PPP5C: variants seen among roughly 807,000 people sequenced by gnomAD.
PPP5C encodes the protein serine/threonine-protein phosphatase 5.
PPP5C carries 21 observed loss-of-function variants against 66.7 expected under a neutral mutation model. That is an observed-to-expected ratio of 0.31 (90% CI 0.22 to 0.45). PPP5C has a LOEUF of 0.45. Ranked by LOEUF, PPP5C falls within the 20% of genes least tolerant of loss-of-function variation. The pLI is 1.00. For missense variants in PPP5C, 464 were observed against 675.9 expected (o/e 0.69, Z 3.48); for synonymous variants, 246 against 257.4 (o/e 0.96, Z 0.43).
At chr19:46,348,127 T>C (rs759633069) in intron 1 of PPP5C, among the ~76,000 whole-genome samples, 1 of 151,668 alleles carries the variant, frequency 6.6e-6, no homozygotes, top group East Asian at 1.9e-4. Flanking sequence ...GAGGGAGAAC[T>C]GGAGAGGAGT....
intron 4 of PPP5C, among the ~76,000 whole-genome samples, chr19:46,379,798 C>T (rs1972759074): frequency 6.6e-6 from 1 of 152,228 alleles, no homozygotes; most frequent in East Asian, 1.9e-4. Context: ...CTCCCTTAGG[C>T]ATCCATTATA....
At chr19:46,379,811 C>T (rs915645782) in intron 4 of PPP5C, among the ~76,000 whole-genome samples, 6 of 152,160 alleles carry the variant, frequency 3.9e-5, no homozygotes, top group African/African-American at 2.4e-5. Flanking sequence ...CCATTATATC[C>T]GCAGTGAATT....
rs199838652 is a variant in PPP5C at position 46,384,866 on chromosome 19, C to T, written c.861C>T (p.Phe287=). 219 of 1,614,136 alleles carry T rather than the reference C, an allele frequency of 1.4e-4. No homozygotes were observed. The highest frequency in any genetic ancestry group is 2.7e-4 in the South Asian group (25 of 91,074). Residue 287 remains phenylalanine, a synonymous_variant, in exon 7 of 13, where the codon TTC becomes TTT. Coordinates refer to ENST00000012443, the MANE Select transcript of PPP5C (RefSeq NM_006247.4). ...CTGTAGAAGTGATCCTCACCCTTTT[C>T]GGCTTCAAGCTCCTGTACCCAGATC... The part of the protein sequence containing the change: ...SFSVEVILTL[F]GFKLLYPDHF...
intron 1 of PPP5C, among the ~76,000 whole-genome samples, chr19:46,352,131 G>C (rs1416489997): frequency 6.6e-6 from 1 of 152,142 alleles, no homozygotes. Context: ...CCATCCTCCA[G>C]GTCTCAGCCC....
At position 46,390,151 on chromosome 19, in the gene PPP5C, C is replaced by A. The variant is rs759558113; in HGVS notation, c.1437+19C>A. Reference sequence around the variant, plus strand: ...AGCAGTGGTGAGTCACCCCTCAGGGCCCCTGCCCCTTCCATCCCGGCCTGG... The same window carrying A: ...AGCAGTGGTGAGTCACCCCTCAGGGACCCTGCCCCTTCCATCCCGGCCTGG... On this transcript the variant is annotated intron_variant, in intron 12 of 12. Transcript: ENST00000012443. 2 of 1,612,308 alleles carry A rather than the reference C, an allele frequency of 1.2e-6. No homozygotes were observed. The highest frequency in any genetic ancestry group is 2.2e-5 in the East Asian group (1 of 44,828).
chr19:46,390,609 C>T lies in PPP5C; in HGVS notation c.*263C>T. On this transcript the variant is annotated 3_prime_UTR_variant, in exon 13 of 13. Transcript: ENST00000012443. ...ACAGCCTGGGCATTCTGTGGGGAGG[C>T]CGTCCTCGGGGTGGGGTGGGGCCGA... The T allele has an allele frequency of 7.4e-7, 1 of 1,360,462 alleles. No individual in the cohort carries two copies. Among genetic ancestry groups the T allele is most frequent in the Non-Finnish European group, 9.5e-7 (1 of 1,051,212 alleles). The allele number at this position is 1,360,462 out of a possible 1,614,324, so 84.3% of individuals were successfully genotyped here.
chr19:46,368,303 G>A (rs1179200213), intron 2 of PPP5C, among the ~76,000 whole-genome samples: 1 of 152,220 alleles, frequency 6.6e-6, no homozygotes, highest in Non-Finnish European at 1.5e-5. Flanking sequence ...GCTGTACCAT[G>A]CGGTTTCATT....
chr19:46,358,648 A>T (rs1972328407), intron 2 of PPP5C, among the ~76,000 whole-genome samples: 1 of 152,230 alleles, frequency 6.6e-6, no homozygotes, highest in Non-Finnish European at 1.5e-5. Context: ...CCAGCCTGGG[A>T]GCCTCAGGTT....
At chr19:46,361,545 G>C (rs1355918150) in intron 2 of PPP5C, among the ~76,000 whole-genome samples, 3 of 133,754 alleles carry the variant, frequency 2.2e-5, no homozygotes, top group Non-Finnish European at 3.1e-5. Context: ...AAGAGATCGA[G>C]ACCATCCTGA....
At chr19:46,381,029 T>A (rs1972781757) in intron 4 of PPP5C, among the ~76,000 whole-genome samples, 2 of 152,252 alleles carry the variant, frequency 1.3e-5, no homozygotes, top group Non-Finnish European at 2.9e-5. Flanking sequence ...TCCTTAGATC[T>A]TAATGACCTG....
At position 46,365,171 on chromosome 19, in the gene PPP5C, C is replaced by T. The variant is rs141503278; in HGVS notation, c.364-10433C>T. On this transcript the variant is annotated intron_variant, in intron 2 of 12. Coordinates refer to ENST00000012443, the MANE Select transcript of PPP5C (RefSeq NM_006247.4). ...CTACTTTTTGTGTTTTTAGTGGAAA[C>T]GGGGTTTCATGATGTTGGCCAGGCA... Among the ~76,000 whole-genome samples the T allele has an allele frequency of 3.7e-3, 561 of 151,516 alleles. 1 individual carries two copies. The highest frequency in any genetic ancestry group is 0.013 in the African/African-American group (545 of 41,292).
At chr19:46,361,872 T>C (rs1035175297) in intron 2 of PPP5C, among the ~76,000 whole-genome samples, 1 of 152,188 alleles carries the variant, frequency 6.6e-6, no homozygotes, top group South Asian at 2.1e-4. Context: ...TAAAACCTTA[T>C]AAACAAATCT....
chr19:46,371,250 C>CT (rs1426231098), intron 2 of PPP5C, among the ~76,000 whole-genome samples: 2 of 152,080 alleles, frequency 1.3e-5, no homozygotes, highest in African/African-American at 4.8e-5. Context: ...TGTTCTGTGG[C>CT]TTTGGGTTCC....
chr19:46,372,397 G>C (rs1972609497), intron 2 of PPP5C, among the ~76,000 whole-genome samples: 2 of 151,728 alleles, frequency 1.3e-5, no homozygotes, highest in African/African-American at 4.9e-5. Flanking sequence ...TTTTTTTCTA[G>C]AGATAGGGAC....
Position 46,376,658 on chromosome 19 carries a change from A to G in PPP5C, c.633+84A>G. 6.4e-7 allele frequency: 1 copy of G among 1,552,320 alleles called. No individual in the cohort carries two copies. On this transcript the variant is annotated intron_variant, in intron 4 of 12. Coordinates refer to ENST00000012443, the MANE Select transcript of PPP5C (RefSeq NM_006247.4). This position sits in a 1 kb window ranked among gnomAD's most constrained non-coding sequence, Gnocchi z 5.1. ...CCAGCCGCGGGCACTGAGCAAAACG[A>G]CAGGAGAAGGGCGGCCATGACAGCC...
chr19:46,371,184 C>T (rs967296891), intron 2 of PPP5C, among the ~76,000 whole-genome samples: 2 of 152,120 alleles, frequency 1.3e-5, no homozygotes, highest in African/African-American at 2.4e-5. Flanking sequence ...AAACCTAGGC[C>T]GGATCTGGGG....
chr19:46,380,053 C>T (rs1972763631), intron 4 of PPP5C, among the ~76,000 whole-genome samples: 1 of 152,108 alleles, frequency 6.6e-6, no homozygotes, highest in Non-Finnish European at 1.5e-5. Context: ...GCCTGTAATC[C>T]CAGCAGTTTC....
In PPP5C at chr19:46,349,556, C is replaced by T. The variant is rs565949386; in HGVS notation, c.121+2339C>T. On this transcript the variant is annotated intron_variant, in intron 1 of 12. Transcript: ENST00000012443. ...AGGTAGGACCAGTGAGAGATGAGGC[C>T]AGAGGTAGAACCTTGGAAGTCAGAT... Among the ~76,000 whole-genome samples, 49 of 152,086 alleles carry T rather than the reference C, an allele frequency of 3.2e-4. 1 individual carries two copies. The highest frequency in any genetic ancestry group is 1.2e-3 in the African/African-American group (48 of 41,490).
intron 11 of PPP5C, among the ~76,000 whole-genome samples, chr19:46,389,411 A>AGTGTTGATC (rs1252794320): frequency 4.6e-5 from 2 of 43,688 alleles, no homozygotes; most frequent in African/African-American, 7.4e-5. Flanking sequence ...ACACACACAC[A>AGTGTTGATC]CACACACACA....
Sources: allele counts gnomAD v4.1 joint callset (sites outside exome capture counted in the v4.1 genomes callset), GRCh38; gene constraint gnomAD v4.1.1; non-coding constraint Gnocchi (gnomAD v3.1); transcripts MANE v1.5; gene names NCBI Gene and HGNC (gene_info 2026-07-23, HGNC 2026-07-21).